The following GMFG variants were observed in gnomAD, a reference collection of about 807,000 sequenced individuals.
GMFG encodes glia maturation factor gamma.
In GMFG, 21 loss-of-function variants were observed where a neutral mutation model predicts 26.1. The observed-to-expected ratio is 0.80, with a 90% confidence interval of 0.57 to 1.16. GMFG has a LOEUF of 1.16. Ranked by LOEUF, GMFG falls within the 50% of genes most tolerant of loss-of-function variation. GMFG has a pLI of 0.00. For synonymous variants in GMFG, 65 were observed against 60.8 expected (o/e 1.07, Z -0.32); for missense variants, 161 against 178.3 (o/e 0.90, Z 0.55).
intron 4 of GMFG, among the ~76,000 whole-genome samples, chr19:39,332,138 C>T (rs1276928186): frequency 2.0e-5 from 3 of 151,544 alleles, no homozygotes; most frequent in South Asian, 2.1e-4. Flanking sequence ...GTTAGGAGTT[C>T]GAGACCAGCC....
chr19:39,335,590 C>T, intron 1 of GMFG, 59 bp from the exon 2 acceptor site: 1 of 1,126,216 alleles, frequency 8.9e-7, no homozygotes, highest in Admixed American at 1.7e-5. Flanking sequence ...ACCCCTTCCC[C>T]AAACCTGTTT....
At chr19:39,333,394 C>T (rs985566248) in intron 3 of GMFG, among the ~76,000 whole-genome samples, 7 of 151,750 alleles carry the variant, frequency 4.6e-5, no homozygotes, top group Non-Finnish European at 5.9e-5. Context: ...TGCAGTGAGC[C>T]GAGATCGCGC....
chr19:39,332,918 C>A (rs1304524223), intron 4 of GMFG, 159 bp downstream of exon 4: 3 of 474,266 alleles, frequency 6.3e-6, no homozygotes, highest in East Asian at 5.4e-5. Flanking sequence ...CTTGACCTCC[C>A]AAAGTGCTGG....
chr19:39,329,413 C>A, intron 5 of GMFG, 131 bp downstream of exon 5: 1 of 677,634 alleles, frequency 1.5e-6, no homozygotes, highest in Non-Finnish European at 2.7e-6. Context: ...CACACATCCT[C>A]ACCCAGTCAC....
Position 39,328,677 on chromosome 19 carries a change from G to A in GMFG, c.358-129C>T, listed in dbSNP as rs536659250. 1.2e-4 allele frequency: 86 copies of A among 697,010 alleles called. 1 individual carries two copies. Among genetic ancestry groups the A allele is most frequent in the South Asian group, 1.2e-3 (77 of 66,296 alleles). 43.2% of individuals were successfully genotyped at this position (697,010 alleles called of 1,614,324 possible). A position where few individuals can be genotyped will look rare whatever the true frequency, so the allele number is the denominator to read the frequency against. ...GTGGATCACTTAAGGTCAGGAGTTC[G>A]AGACCAGCCTGGCCAATATGGTGAA... On this transcript the variant is annotated intron_variant, in intron 6 of 6. Transcript: ENST00000597595.
Position 39,331,331 on chromosome 19 carries a change from A to G in GMFG, c.201-1705T>C, listed in dbSNP as rs1367362952. On this transcript the variant is annotated intron_variant, in intron 4 of 6. Coordinates refer to ENST00000597595, the MANE Select transcript of GMFG (RefSeq NM_004877.4). The stretch of plus-strand genomic sequence containing the variant: ...GAAGTCCATTGTCCCATCTGACTTC[A>G]TACAAAACAGAAATTCAAAGATAAA... 2.6e-5 allele frequency among the ~76,000 whole-genome samples: 4 copies of G among 152,324 alleles called. No homozygotes were observed. The East Asian group carries it at 7.7e-4, about 29-fold the overall frequency.
rs1318252868 is a variant in GMFG, at chr19:39,332,498, G to A, written c.200+579C>T. The stretch of plus-strand genomic sequence containing the variant: ...TTCATTTTTAAAAAATGATGCCAGC[G>A]TAATGTTGAAACAAAAACTCAACAA... On this transcript the variant is annotated intron_variant, in intron 4 of 6. Transcript: ENST00000597595. Among the ~76,000 whole-genome samples the A allele has an allele frequency of 5.6e-5, 8 of 142,342 alleles. No homozygotes were observed. The South Asian group carries it at 1.0e-3, about 18-fold the overall frequency. The allele number at this position is 142,342 out of a possible 152,430, so 93.4% of individuals were successfully genotyped here. A position where few individuals can be genotyped will look rare whatever the true frequency, so the allele number is the denominator to read the frequency against.
chr19:39,334,387 C>T (rs1025365467), intron 3 of GMFG, among the ~76,000 whole-genome samples: 1 of 152,046 alleles, frequency 6.6e-6, no homozygotes, highest in Non-Finnish European at 1.5e-5. Flanking sequence ...CCCACCTCAG[C>T]CTCCTGTGTA....
chr19:39,333,046 C>T (rs747604476), intron 4 of GMFG, 31 bp downstream of exon 4: 1 of 1,529,462 alleles, frequency 6.5e-7, no homozygotes, highest in Middle Eastern at 1.7e-4. Context: ...CCCCTCATGG[C>T]CTGATCCAAC....
chr19:39,330,073 C>T (rs1433119375), intron 4 of GMFG, among the ~76,000 whole-genome samples: 4 of 152,054 alleles, frequency 2.6e-5, no homozygotes, highest in Non-Finnish European at 5.9e-5. Flanking sequence ...AAGTGGAACT[C>T]CATCTCAAAT....
chr19:39,335,973 C>A lies in GMFG; in HGVS notation c.3+1G>T, dbSNP rs1424187063. The A allele has an allele frequency of 1.2e-5, 19 of 1,599,084 alleles. 1 individual carries two copies. The South Asian group carries it at 2.1e-4, about 18-fold the overall frequency. On this transcript the variant is annotated splice_donor_variant, in intron 1 of 6. Coordinates refer to ENST00000597595, the MANE Select transcript of GMFG (RefSeq NM_004877.4). LOFTEE classifies it high-confidence loss of function. Reference sequence around the variant, plus strand: ...TTCCCATAGAACCCCTGGCCCCTGACCATGATTGTTCTGTCCACAGGCCTC... The same window carrying A: ...TTCCCATAGAACCCCTGGCCCCTGAACATGATTGTTCTGTCCACAGGCCTC...
Position 39,329,600 on chromosome 19 carries a change from A to C in GMFG, c.227T>G (p.Val76Gly), listed in dbSNP as rs770900962. ...PRFVVYSYKYVHDDGRVSYPL... is the reference protein window; with the variant it reads ...PRFVVYSYKYGHDDGRVSYPL... ...GTAGGACACTCGGCCATCGTCATGC[A>C]CGTACTTGTAGCTGTAAACCACGAA... is the stretch of plus-strand genomic sequence containing the variant. The change falls in exon 5 of 7, where the codon GTG (valine) becomes GGG (glycine). Residue 76 changes from valine to glycine, a missense_variant. Val to Gly is a moderately radical substitution (Grantham distance 109, BLOSUM62 -3). Coordinates refer to ENST00000597595, the MANE Select transcript of GMFG (RefSeq NM_004877.4). 4 of 1,611,188 alleles carry C rather than the reference A, an allele frequency of 2.5e-6. No homozygotes were observed. Among genetic ancestry groups the C allele is most frequent in the Non-Finnish European group, 3.4e-6 (4 of 1,177,344 alleles).
At chr19:39,334,310 C>A (rs560646958) in intron 3 of GMFG, among the ~76,000 whole-genome samples, 26 of 152,220 alleles carry the variant, frequency 1.7e-4, no homozygotes, top group African/African-American at 6.3e-4. Context: ...GCCACGGCAC[C>A]CAGCCGAGAT....
chr19:39,328,606 G>T (rs2075213266), intron 6 of GMFG, 58 bp from the exon 7 acceptor site: 2 of 1,293,042 alleles, frequency 1.5e-6, no homozygotes, highest in Non-Finnish European at 1.1e-6. Context: ...CAGTGGCTGG[G>T]CACGGTGGCT....
At chr19:39,332,085 G>T (rs965661058) in intron 4 of GMFG, among the ~76,000 whole-genome samples, 1 of 151,574 alleles carries the variant, frequency 6.6e-6, no homozygotes, top group Non-Finnish European at 1.5e-5. Context: ...GCTCACGCCT[G>T]TAATCCCAGC....
intron 5 of GMFG, 117 bp from the exon 6 acceptor site, chr19:39,329,190 A>C: frequency 1.4e-6 from 1 of 693,058 alleles, no homozygotes; most frequent in South Asian, 1.7e-5. Context: ...TCTTCTAAGG[A>C]GGTCCCTGCA....
chr19:39,335,078 C>G (rs936368845), intron 3 of GMFG, among the ~76,000 whole-genome samples, 183 bp downstream of exon 3: 1 of 151,876 alleles, frequency 6.6e-6, no homozygotes, highest in Non-Finnish European at 1.5e-5. Flanking sequence ...CTTGAACTCC[C>G]AACCTCAGGT....
rs776682972 is a variant in GMFG, at chr19:39,335,501, G to T, written c.34C>A (p.Pro12Thr). 6.2e-7 allele frequency: 1 copy of T among 1,613,796 alleles called. No homozygotes were observed. Among genetic ancestry groups the T allele is most frequent in the East Asian group, 2.2e-5 (1 of 44,884 alleles). ...TTCCTCAGCTTTTCTGTTAGCTCTG[G>T]GTCTACCTCGCACACCACCAGGGAG... ...SDSLVVCEVDPELTEKLRKFR... is the reference protein window; with the variant it reads ...SDSLVVCEVDTELTEKLRKFR... The change falls in exon 2 of 7, where the codon CCA becomes ACA. Residue 12 changes from proline (P) to threonine (T), a missense_variant. Coordinates refer to ENST00000597595, the MANE Select transcript of GMFG (RefSeq NM_004877.4).
chr19:39,330,048 C>G (rs1045628686), intron 4 of GMFG, among the ~76,000 whole-genome samples: 2 of 152,104 alleles, frequency 1.3e-5, no homozygotes, highest in Admixed American at 6.6e-5. Flanking sequence ...CATTGCACTC[C>G]AGCGTGGGTG....
Sources: allele counts gnomAD v4.1 joint callset (sites outside exome capture counted in the v4.1 genomes callset), GRCh38; gene constraint gnomAD v4.1.1; transcripts MANE v1.5; gene names NCBI Gene and HGNC (gene_info 2026-07-23, HGNC 2026-07-21).